SRP19: variants seen among roughly 807,000 people sequenced by gnomAD.
SRP19 encodes the protein signal recognition particle 19.
SRP19 carries 11 observed loss-of-function variants against 22.4 expected under a neutral mutation model. That is an observed-to-expected ratio of 0.49 (90% CI 0.31 to 0.81). The LOEUF (loss-of-function observed/expected upper bound fraction) is 0.81. SRP19 is among the 40% of genes least tolerant of loss of function. The probability of loss-of-function intolerance (pLI) is 0.05; values close to 1 mark genes in which losing one functional copy is unlikely to be tolerated. For synonymous variants in SRP19, 61 were observed against 57.6 expected, an observed-to-expected ratio of 1.06 and a Z score of -0.27; for missense variants, 168 against 175.9, an observed-to-expected ratio of 0.96 and a Z score of 0.25.
chr5:112,888,326 C>T (rs759680148), intron 4 of SRP19, among the ~76,000 whole-genome samples: 1 of 152,206 alleles, frequency 6.6e-6, no homozygotes. Context: ...GCACAAATAG[C>T]TCACTCCATC....
Position 112,891,148 on chromosome 5 carries a change from C to G in SRP19, c.302-455C>G, listed in dbSNP as rs1041087541. Among the ~76,000 whole-genome samples, 47 of 142,188 alleles carry G rather than the reference C, an allele frequency of 3.3e-4. 5 individuals are homozygous for G. Among genetic ancestry groups the G allele is most frequent in the African/African-American group, 1.3e-3 (47 of 35,116 alleles). The allele number at this position is 142,188 out of a possible 152,430, so 93.3% of individuals were successfully genotyped here. A position where few individuals can be genotyped will look rare whatever the true frequency, so the allele number is the denominator to read the frequency against. ...AGTGTAGTGGCACAGTCTTGGCTCACTGCAACCTCTGCCTCCTGGGTTCAA... is the reference window on the plus strand; with the variant it reads ...AGTGTAGTGGCACAGTCTTGGCTCAGTGCAACCTCTGCCTCCTGGGTTCAA... On this transcript the variant is annotated intron_variant, in intron 4 of 4. Coordinates refer to the SRP19 transcript ENST00000391338.
At chr5:112,892,387 C>T (rs777514138) in exon 5 of SRP19, 1 of 1,614,066 alleles carries the variant, frequency 6.2e-7, no homozygotes, top group East Asian at 2.2e-5. Context: ...GGATGTGTTG[C>T]CCGAGTTCAA....
In SRP19 at chr5:112,867,565, C is replaced by G; in HGVS notation, c.*28C>G. On this transcript the variant is annotated 3_prime_UTR_variant, in exon 5 of 5. Transcript: ENST00000505459. ...TAGTATCAGCATCAAGTATGTGGTACTACTGTAAGAGACATGAATGGAGAC... is the reference window on the plus strand; with the variant it reads ...TAGTATCAGCATCAAGTATGTGGTAGTACTGTAAGAGACATGAATGGAGAC... 4.4e-6 allele frequency: 7 copies of G among 1,580,866 alleles called. No individual in the cohort carries two copies. The highest frequency in any genetic ancestry group is 6.0e-6 in the Non-Finnish European group (7 of 1,163,670).
At chr5:112,896,467 G>A (rs912936794), downstream of SRP19, 2 of 152,076 alleles carry the variant, frequency 1.3e-5, no homozygotes, top group Admixed American at 6.5e-5. Context: ...AGGTTGCAGT[G>A]AGCAGAGATC....
chr5:112,874,626 G>T (rs759070508), downstream of SRP19, among the ~76,000 whole-genome samples: 8 of 152,126 alleles, frequency 5.3e-5, no homozygotes, highest in Non-Finnish European at 7.4e-5. Flanking sequence ...TCAAAGTGCA[G>T]TTCCTGGACC....
rs1767692536 is a variant in SRP19, at chr5:112,868,914, C to CGTT, written c.*1377_*1378insGTT. The CGTT allele has an allele frequency of 4.6e-5, 7 of 151,868 alleles. No individual in the cohort carries two copies. The highest frequency in any genetic ancestry group is 1.7e-4 in the African/African-American group (7 of 41,328). 9.4% of individuals were successfully genotyped at this position (151,868 alleles called of 1,614,324 possible). On this transcript the variant is annotated 3_prime_UTR_variant, in exon 5 of 5. Coordinates refer to ENST00000505459, the MANE Select transcript of SRP19 (RefSeq NM_003135.3). ...GTTGACTTTTTTTTTTTAACTCTAA[C>CGTT]AATTTCTGTTTTATAGTGAACATAA...
downstream of SRP19, chr5:112,893,857 C>G (rs1056414353): frequency 2.6e-5 from 4 of 152,246 alleles, no homozygotes; most frequent in Admixed American, 1.3e-4. Flanking sequence ...GTTTTCCCAG[C>G]AACTCTGCTC....
In SRP19 at chr5:112,862,547, G is replaced by T; in HGVS notation, c.81G>T (p.Lys27Asn). 1 of 1,613,940 alleles carries T rather than the reference G, an allele frequency of 6.2e-7. No individual in the cohort carries two copies. Among genetic ancestry groups the T allele is most frequent in the Non-Finnish European group, 8.5e-7 (1 of 1,179,944 alleles). Residue 27 changes from lysine to asparagine, a missense_variant, in exon 2 of 5, where the codon AAG becomes AAT. Coordinates refer to ENST00000505459, the MANE Select transcript of SRP19 (RefSeq NM_003135.3). ...ATCCTGCTTATTTAAATAATAAGAA[G>T]ACCATCGCAGAGGGAAGGCGAATCC... is the stretch of plus-strand genomic sequence containing the variant. ...CIYPAYLNNK[K>N]TIAEGRRIPI...
intron 3 of SRP19, 46 bp downstream of exon 3, chr5:112,864,574 T>G: frequency 6.2e-7 from 1 of 1,611,162 alleles, no homozygotes; most frequent in Non-Finnish European, 8.5e-7. Context: ...CTAATTGATG[T>G]AATAACTTTC....
rs186640020 is a variant in SRP19, at chr5:112,893,037, G to A, written c.*1430G>A. On this transcript the variant is annotated 3_prime_UTR_variant, in exon 5 of 5. Transcript: ENST00000391338. ...GCCGAAGTCGTGGGAGGAGGAAGTC[G>A]GGTAATAGAGACAGAACTGTTCAGA... 9.1e-5 allele frequency: 134 copies of A among 1,477,554 alleles called. 1 individual carries two copies. In the Middle Eastern group the frequency reaches 1.2e-3, roughly 13 times the overall value. 91.5% of individuals were successfully genotyped at this position (1,477,554 alleles called of 1,614,324 possible). A position where few individuals can be genotyped will look rare whatever the true frequency, so the allele number is the denominator to read the frequency against.
intron 4 of SRP19, chr5:112,876,357 C>T (rs1767895059): frequency 6.6e-6 from 1 of 152,068 alleles, no homozygotes; most frequent in Non-Finnish European, 1.5e-5. Context: ...AGGAAAAAAG[C>T]CCCACAAAAT....
chr5:112,866,054 G>T (rs762730937), intron 4 of SRP19, among the ~76,000 whole-genome samples: 4 of 151,922 alleles, frequency 2.6e-5, no homozygotes, highest in African/African-American at 9.7e-5. Context: ...TAAAGACAAG[G>T]TCTCACTCTG....
intron 4 of SRP19, chr5:112,876,868 A>G (rs1393240908): frequency 6.6e-6 from 1 of 152,158 alleles, no homozygotes; most frequent in Non-Finnish European, 1.5e-5. Flanking sequence ...GTATTTTAAA[A>G]CTAATTTTAG....
At chr5:112,876,872 A>T (rs938420600) in intron 4 of SRP19, 3 of 152,180 alleles carry the variant, frequency 2.0e-5, no homozygotes, top group Admixed American at 6.5e-5. Context: ...TTTAAAACTA[A>T]TTTTAGCCTG....
chr5:112,872,365 G>C (rs1341811394), downstream of SRP19, among the ~76,000 whole-genome samples: 2 of 63,690 alleles, frequency 3.1e-5, no homozygotes, highest in Non-Finnish European at 5.8e-5. Context: ...TCTTATTCTT[G>C]TTGCCCAGGC....
intron 2 of SRP19, among the ~76,000 whole-genome samples, chr5:112,863,409 T>C (rs1211849612): frequency 6.6e-6 from 1 of 152,180 alleles, no homozygotes; most frequent in Non-Finnish European, 1.5e-5. Flanking sequence ...ATAATTGTTG[T>C]TGGGGGTTGT....
At chr5:112,861,455 G>A (rs756268149) in intron 1 of SRP19, 38 bp downstream of exon 1, 8 of 1,606,024 alleles carry the variant, frequency 5.0e-6, no homozygotes, top group Non-Finnish European at 6.0e-6. Flanking sequence ...AAAGGAAGGG[G>A]CTTGCTGTGG....
exon 5 of SRP19, chr5:112,891,746 G>A (rs774703593): frequency 2.2e-4 from 360 of 1,613,966 alleles, no homozygotes; most frequent in Non-Finnish European, 2.9e-4. Context: ...CGAAAGAAAC[G>A]TCGGCAGGAA....
intron 4 of SRP19, among the ~76,000 whole-genome samples, chr5:112,881,658 A>G (rs942256821): frequency 6.6e-6 from 1 of 152,176 alleles, no homozygotes; most frequent in Non-Finnish European, 1.5e-5. Context: ...ATCAGATTCT[A>G]TCACTGAGTA....
Sources: gnomAD v4.1 joint callset for allele counts (sites outside exome capture counted in the v4.1 genomes callset) on GRCh38, gnomAD v4.1.1 for gene constraint, MANE v1.5 for transcripts, NCBI Gene and HGNC (gene_info 2026-07-23, HGNC 2026-07-21) for gene names.